LATS1: variants seen among roughly 807,000 people sequenced by gnomAD.
LATS1 encodes large tumor suppressor kinase 1, also known as serine/threonine-protein kinase LATS1.
Under a neutral mutation model 106.6 loss-of-function variants are expected in LATS1, and 25 were observed. The ratio of observed to expected loss-of-function variants is 0.23; its 90% CI spans 0.17 to 0.33. The LOEUF (loss-of-function observed/expected upper bound fraction) is 0.33. LATS1 is among the 10% of genes least tolerant of loss of function. The probability of loss-of-function intolerance (pLI) is 1.00; values close to 1 mark genes in which losing one functional copy is unlikely to be tolerated. For missense variants in LATS1, 1,040 were observed against 1,382.6 expected (o/e 0.75, Z 3.93); for synonymous variants, 465 against 455.6 (o/e 1.02, Z -0.26).
At chr6:149,717,715 G>C (rs1784491008) in intron 1 of LATS1, 134 bp downstream of exon 1, 1 of 211,078 alleles carries the variant, frequency 4.7e-6, no homozygotes, top group Admixed American at 6.5e-5. Flanking sequence ...GTCAGGCCCG[G>C]AGCGGGCCGG....
intron 7 of LATS1, among the ~76,000 whole-genome samples, chr6:149,672,650 A>C (rs1387677834): frequency 1.3e-5 from 2 of 151,930 alleles, no homozygotes; most frequent in Non-Finnish European, 2.9e-5. Context: ...TAAATATAGA[A>C]ATAGATGGAT....
intron 4 of LATS1, among the ~76,000 whole-genome samples, chr6:149,681,284 A>G (rs546835093): frequency 6.6e-6 from 1 of 152,358 alleles, no homozygotes; most frequent in Non-Finnish European, 1.5e-5. Context: ...GAATTAATTA[A>G]AGGGTTTAAA....
chr6:149,687,821 G>A (rs1485221277), intron 3 of LATS1, among the ~76,000 whole-genome samples: 1 of 151,506 alleles, frequency 6.6e-6, no homozygotes, highest in Non-Finnish European at 1.5e-5. Flanking sequence ...CTCCCACCTT[G>A]GCCTCCAAAG....
Position 149,684,549 on chromosome 6 carries a change from ACCTT to A in LATS1, c.536_539del (p.Lys179IlefsTer6). On this transcript the variant is annotated frameshift_variant, in exon 4 of 8. Coordinates refer to ENST00000543571, the MANE Select transcript of LATS1 (RefSeq NM_004690.4). LOFTEE classifies it high-confidence loss of function. ...TCTGAGGAACTAAGGATTCTTTAGA[ACCTT>A]TCCAGCTCTGTTTGCGGTTAACTGA... The A allele has an allele frequency of 6.2e-7, 1 of 1,612,130 alleles. No homozygotes were observed. Among genetic ancestry groups the A allele is most frequent in the Non-Finnish European group, 8.5e-7 (1 of 1,178,574 alleles).
chr6:149,682,637 A>T (rs1246262299), intron 4 of LATS1, among the ~76,000 whole-genome samples: 4 of 151,846 alleles, frequency 2.6e-5, no homozygotes, highest in African/African-American at 9.7e-5. Flanking sequence ...GATGGTCTCG[A>T]TCTCCTGACC....
At chr6:149,691,847 C>T (rs796635334) in intron 3 of LATS1, among the ~76,000 whole-genome samples, 1 of 152,246 alleles carries the variant, frequency 6.6e-6, no homozygotes, top group South Asian at 2.1e-4. Flanking sequence ...TCTTAACATT[C>T]CCTTTCTTAA....
chr6:149,698,552 CT>C (rs748004563), intron 2 of LATS1, among the ~76,000 whole-genome samples: 1,800 of 128,716 alleles, frequency 0.014, 40 homozygotes, highest in Admixed American at 0.067. Context: ...AGCCAGAAGT[CT>C]TTTTTTTTTT....
At chr6:149,678,105 G>A (rs1263472398) in intron 5 of LATS1, among the ~76,000 whole-genome samples, 1 of 140,616 alleles carries the variant, frequency 7.1e-6, no homozygotes, top group Non-Finnish European at 1.5e-5. Context: ...CAAATCATGA[G>A]GTCAGAAGAT....
At chr6:149,694,935 TATA>T (rs1782974262) in intron 3 of LATS1, 136 bp downstream of exon 3, 6 of 687,316 alleles carry the variant, frequency 8.7e-6, no homozygotes, top group Non-Finnish European at 1.4e-5. Flanking sequence ...GGTATAACAT[TATA>T]ATGTTATCTT....
chr6:149,714,608 A>G (rs1404166990), intron 1 of LATS1, among the ~76,000 whole-genome samples: 1 of 152,242 alleles, frequency 6.6e-6, no homozygotes, highest in Non-Finnish European at 1.5e-5. Context: ...AATTCAATTA[A>G]GAAGAAGAAA....
At chr6:149,687,871 CTCTT>C (rs1195519887) in intron 3 of LATS1, among the ~76,000 whole-genome samples, 4 of 149,288 alleles carry the variant, frequency 2.7e-5, no homozygotes, top group East Asian at 2.0e-4. Context: ...CTTGACCCTC[CTCTT>C]TTTTTTTTTT....
chr6:149,663,301 G>C (rs564894542), intron 7 of LATS1, among the ~76,000 whole-genome samples: 1 of 152,192 alleles, frequency 6.6e-6, no homozygotes, highest in African/African-American at 2.4e-5. Context: ...TGGGCAACAT[G>C]GTGAAACCCC....
rs936000903 is a variant in LATS1 at position 149,718,049 on chromosome 6, G to C, written c.-341C>G. 1 of 324,654 alleles carries C rather than the reference G, an allele frequency of 3.1e-6. No homozygotes were observed. Among genetic ancestry groups the C allele is most frequent in the Non-Finnish European group, 6.0e-6 (1 of 167,234 alleles). The allele number at this position is 324,654 out of a possible 1,614,324, so 20.1% of individuals were successfully genotyped here. A position where few individuals can be genotyped will look rare whatever the true frequency, so the allele number is the denominator to read the frequency against. On this transcript the variant is annotated 5_prime_UTR_variant, in exon 1 of 8. Coordinates refer to ENST00000543571, the MANE Select transcript of LATS1 (RefSeq NM_004690.4). ...CTCCCCTTAACACCAGGCCACCGCC[G>C]CCGCCGCCGCCATTTTGCCTTCCAC...
chr6:149,704,711 G>T (rs1783653621), intron 1 of LATS1, among the ~76,000 whole-genome samples: 1 of 151,340 alleles, frequency 6.6e-6, no homozygotes, highest in African/African-American at 2.4e-5. Context: ...GAACTCCTGG[G>T]TTCAAGTGCT....
intron 3 of LATS1, among the ~76,000 whole-genome samples, chr6:149,689,680 C>A (rs970475540): frequency 1.3e-5 from 2 of 152,134 alleles, no homozygotes; most frequent in African/African-American, 4.8e-5. Context: ...CTGCTCTAGT[C>A]CTCACTCATC....
Position 149,660,100 on chromosome 6 carries a change from A to T in LATS1, c.*1629T>A. ...AGAGGTCCATAACCTACAGCCTGTGATAGGTTTCAATATGTCCAAAATCCC... is the reference window on the plus strand; with the variant it reads ...AGAGGTCCATAACCTACAGCCTGTGTTAGGTTTCAATATGTCCAAAATCCC... On this transcript the variant is annotated 3_prime_UTR_variant, in exon 8 of 8. Transcript: ENST00000543571. 1 of 232,460 alleles carries T rather than the reference A, an allele frequency of 4.3e-6. No homozygotes were observed. Among genetic ancestry groups the T allele is most frequent in the Non-Finnish European group, 8.5e-6 (1 of 117,616 alleles). The allele number at this position is 232,460 out of a possible 1,614,324, so 14.4% of individuals were successfully genotyped here.
chr6:149,702,073 A>C lies in LATS1; in HGVS notation c.54T>G (p.Phe18Leu). 6.2e-7 allele frequency: 1 copy of C among 1,613,832 alleles called. No homozygotes were observed. Among genetic ancestry groups the C allele is most frequent in the Non-Finnish European group, 8.5e-7 (1 of 1,179,966 alleles). Residue 18 changes from phenylalanine to leucine, a missense_variant, in exon 2 of 8, where the codon TTT (phenylalanine) becomes TTG (leucine). Around this residue, in one of 7 missense-constraint regions of LATS1, gnomAD observed 624 missense variants for 714.8 expected, o/e 0.87. Coordinates refer to ENST00000543571, the MANE Select transcript of LATS1 (RefSeq NM_004690.4). Reference protein sequence around the residue: ...EGYRQMRPKTFPASNYTVSSR... With the variant: ...EGYRQMRPKTLPASNYTVSSR... ...TACTGACAGTATAGTTACTGGCAGG[A>C]AAGGTCTTAGGCCTCATTTGTCTAT...
intron 2 of LATS1, among the ~76,000 whole-genome samples, chr6:149,699,473 A>AT (rs1240658160): frequency 6.6e-6 from 1 of 151,830 alleles, no homozygotes; most frequent in Non-Finnish European, 1.5e-5. Context: ...TTACTTTTTA[A>AT]TAAAAAAAAA....
intron 7 of LATS1, among the ~76,000 whole-genome samples, chr6:149,675,073 T>G (rs1781642937): frequency 6.6e-6 from 1 of 151,604 alleles, no homozygotes; most frequent in African/African-American, 2.4e-5. Context: ...AAAAACTAGC[T>G]GGGTATGATG....
Sources: gnomAD v4.1 joint callset for allele counts (sites outside exome capture counted in the v4.1 genomes callset) on GRCh38, gnomAD v4.1.1 for gene constraint, gnomAD v4.1.1 regional missense constraint, MANE v1.5 for transcripts, NCBI Gene and HGNC (gene_info 2026-07-23, HGNC 2026-07-21) for gene names.